Variants in UBE2E2 observed in about 807,000 individuals in gnomAD.
UBE2E2 encodes ubiquitin conjugating enzyme E2 E2.
In UBE2E2, 6 loss-of-function variants were observed where a neutral mutation model predicts 24.7. That is an observed-to-expected ratio of 0.24 (90% CI 0.13 to 0.48). The LOEUF is 0.48. UBE2E2 is among the 20% of genes least tolerant of loss of function. The pLI, the probability that UBE2E2 is intolerant of heterozygous loss-of-function variation, is 0.99. For synonymous variants in UBE2E2, 104 were observed against 83.6 expected, an observed-to-expected ratio of 1.24 and a Z score of -1.33; for missense variants, 169 against 245.0, an observed-to-expected ratio of 0.69 and a Z score of 2.07.
chr3:23,513,944 C>G (rs771675178), intron 4 of UBE2E2, among the ~76,000 whole-genome samples: 7 of 152,178 alleles, frequency 4.6e-5, no homozygotes, highest in Non-Finnish European at 7.3e-5. Context: ...TTAACAGTCT[C>G]TAAGTTTCCT....
chr3:23,388,201 G>C (rs1375344272), intron 3 of UBE2E2, among the ~76,000 whole-genome samples: 1 of 152,110 alleles, frequency 6.6e-6, no homozygotes, highest in East Asian at 1.9e-4. Context: ...AATATTCTAA[G>C]ACTATTAGTA....
intron 5 of UBE2E2, among the ~76,000 whole-genome samples, chr3:23,550,137 T>C (rs1224487387): frequency 1.3e-5 from 2 of 152,154 alleles, no homozygotes; most frequent in Admixed American, 6.5e-5. Context: ...TTACTTTCTA[T>C]AAAAAAACTA....
intron 3 of UBE2E2, among the ~76,000 whole-genome samples, chr3:23,376,282 CT>C (rs1205563412): frequency 6.6e-6 from 1 of 152,084 alleles, no homozygotes; most frequent in Non-Finnish European, 1.5e-5. Flanking sequence ...CTGTTTTAGA[CT>C]TTTTGCGTGG....
chr3:23,266,199 T>C (rs1698043559), intron 3 of UBE2E2, among the ~76,000 whole-genome samples: 1 of 152,080 alleles, frequency 6.6e-6, no homozygotes, highest in African/African-American at 2.4e-5. Context: ...ATGATGTTAG[T>C]TGGTTATTTT....
intron 3 of UBE2E2, among the ~76,000 whole-genome samples, chr3:23,487,407 G>T (rs1342141395): frequency 2.0e-5 from 3 of 152,152 alleles, no homozygotes; most frequent in Non-Finnish European, 4.4e-5. Context: ...ACTCGGTAGG[G>T]TCCGGGGCTC....
At position 23,215,986 on chromosome 3, in the gene UBE2E2, G is replaced by A. The variant is rs898217454; in HGVS notation, c.177-1276G>A. Among the ~76,000 whole-genome samples the A allele has an allele frequency of 2.0e-5, 3 of 152,282 alleles. No homozygotes were observed. The South Asian group carries it at 6.2e-4, about 32-fold the overall frequency. On this transcript the variant is annotated intron_variant, in intron 2 of 5. Transcript: ENST00000396703. ...TTCACAGAATCCATATTAGAAGGAA[G>A]TTACAGTGTGTTAAAAGAGATCACG...
intron 3 of UBE2E2, among the ~76,000 whole-genome samples, chr3:23,221,836 C>T (rs1014320773): frequency 5.3e-5 from 8 of 152,130 alleles, no homozygotes; most frequent in South Asian, 4.1e-4. Flanking sequence ...GGGGTTTCAC[C>T]GTGTTGGCCA....
chr3:23,208,849 T>G lies in UBE2E2; in HGVS notation c.150T>G (p.Ala50=). ...AGGGAAAAATATCCAGCAAAACCGC[T>G]GCTAAATTGTCAACTAGTGCTAAAA... ...KKEGKISSKT[A]AKLSTSAKRI... Residue 50 remains alanine, a synonymous_variant, in exon 2 of 6, where the codon GCT becomes GCG. Coordinates refer to ENST00000396703, the MANE Select transcript of UBE2E2 (RefSeq NM_152653.4). 2 of 1,613,118 alleles carry G rather than the reference T, an allele frequency of 1.2e-6. No homozygotes were observed. The highest frequency in any genetic ancestry group is 1.7e-6 in the Non-Finnish European group (2 of 1,179,548).
chr3:23,307,055 T>G (rs1699254294), intron 3 of UBE2E2, among the ~76,000 whole-genome samples: 1 of 152,182 alleles, frequency 6.6e-6, no homozygotes, highest in African/African-American at 2.4e-5. Context: ...CAAGCTGATA[T>G]TTTTGGTACG....
intron 3 of UBE2E2, among the ~76,000 whole-genome samples, chr3:23,260,822 G>T (rs1309714477): frequency 3.3e-5 from 5 of 152,166 alleles, no homozygotes; most frequent in Non-Finnish European, 7.3e-5. Context: ...CAGTAATGGG[G>T]CTGGGCGTGA....
intron 3 of UBE2E2, among the ~76,000 whole-genome samples, chr3:23,343,128 A>G (rs1695446621): frequency 6.6e-6 from 1 of 152,152 alleles, no homozygotes; most frequent in Non-Finnish European, 1.5e-5. Context: ...GCATACATAT[A>G]CAAACTACAT....
chr3:23,535,494 G>A (rs1255741446), intron 5 of UBE2E2, among the ~76,000 whole-genome samples: 1 of 152,098 alleles, frequency 6.6e-6, no homozygotes, highest in Non-Finnish European at 1.5e-5. Context: ...AACGTTATCA[G>A]CCAGTCGATG....
rs1697402757 is a variant in UBE2E2, at chr3:23,407,889, T to C, written c.228-91719T>C. ...TTCTGTAATAGTCCTGTTTCAGTAA[T>C]TCTTAATTTGAAGTTTATAGAAATT... On this transcript the variant is annotated intron_variant, in intron 3 of 5. Transcript: ENST00000396703. This position sits in a 1 kb window ranked among gnomAD's most constrained non-coding sequence, Gnocchi z 4.0. Among the ~76,000 whole-genome samples, 1 of 152,012 alleles carries C rather than the reference T, an allele frequency of 6.6e-6. No homozygotes were observed. Among genetic ancestry groups the C allele is most frequent in the African/African-American group, 2.4e-5 (1 of 41,362 alleles).
At chr3:23,293,937 G>A (rs1021488840) in intron 3 of UBE2E2, among the ~76,000 whole-genome samples, 3 of 152,110 alleles carry the variant, frequency 2.0e-5, no homozygotes, top group Non-Finnish European at 4.4e-5. Flanking sequence ...ACAGCATAGC[G>A]AGCTCTTTGT....
rs540785899 is a variant in UBE2E2 at position 23,299,093 on chromosome 3, T to A, written c.227+81781T>A. 7.3e-4 allele frequency among the ~76,000 whole-genome samples: 111 copies of A among 152,348 alleles called. 1 individual carries two copies. The highest frequency in any genetic ancestry group is 2.6e-3 in the African/African-American group (108 of 41,580). On this transcript the variant is annotated intron_variant, in intron 3 of 5. Coordinates refer to ENST00000396703, the MANE Select transcript of UBE2E2 (RefSeq NM_152653.4). Reference sequence around the variant, plus strand: ...ATTTGCATAGAGGTGTTTATAGTATTCTCTGATGGTAGTTTGTATTTCTGT... The same window carrying A: ...ATTTGCATAGAGGTGTTTATAGTATACTCTGATGGTAGTTTGTATTTCTGT...
intron 3 of UBE2E2, among the ~76,000 whole-genome samples, chr3:23,417,907 G>A (rs1695181): frequency 4.0e-5 from 6 of 151,876 alleles, no homozygotes; most frequent in Non-Finnish European, 8.8e-5. Context: ...TGTCCCTCCC[G>A]TGCCCAAGGT....
At chr3:23,446,089 A>G (rs1458707043) in intron 3 of UBE2E2, among the ~76,000 whole-genome samples, 1 of 152,330 alleles carries the variant, frequency 6.6e-6, no homozygotes, top group South Asian at 2.1e-4. Flanking sequence ...GGGACCTGCT[A>G]CAGAGTCTTC....
In UBE2E2 at chr3:23,256,472, C is replaced by CA. The variant is rs147064855; in HGVS notation, c.227+39168dup. On this transcript the variant is annotated intron_variant, in intron 3 of 5. Coordinates refer to ENST00000396703, the MANE Select transcript of UBE2E2 (RefSeq NM_152653.4). ...AAAACTTTTGCATTGTAATTTTTGA[C>CA]AAAAAAAACTGTAGCTTCAAACTAT... 1.5e-3 allele frequency among the ~76,000 whole-genome samples: 233 copies of CA among 151,310 alleles called. 1 individual carries two copies. The highest frequency in any genetic ancestry group is 5.3e-3 in the African/African-American group (220 of 41,280).
At chr3:23,352,307 C>A (rs1695778549) in intron 3 of UBE2E2, among the ~76,000 whole-genome samples, 1 of 152,058 alleles carries the variant, frequency 6.6e-6, no homozygotes, top group South Asian at 2.1e-4. Flanking sequence ...GACACCCTAA[C>A]ATCACAATTA....
Sources: gnomAD v4.1 joint callset for allele counts (sites outside exome capture counted in the v4.1 genomes callset) on GRCh38, gnomAD v4.1.1 for gene constraint, Gnocchi (gnomAD v3.1) non-coding constraint, MANE v1.5 for transcripts, NCBI Gene and HGNC (gene_info 2026-07-23, HGNC 2026-07-21) for gene names.